HECW2: variants seen among roughly 807,000 people sequenced by gnomAD.
HECW2 encodes HECT, C2 and WW domain containing E3 ubiquitin protein ligase 2.
A neutral mutation model predicts 175.2 loss-of-function variants in HECW2; 61 were observed. The ratio of observed to expected loss-of-function variants is 0.35; its 90% CI spans 0.28 to 0.43. The LOEUF (loss-of-function observed/expected upper bound fraction) is 0.43, where lower values mean the gene tolerates loss of function less well. Among genes scored for constraint, HECW2 ranks in the 20% least tolerant of loss-of-function variants. The probability of loss-of-function intolerance (pLI) is 1.00; values close to 1 mark genes in which losing one functional copy is unlikely to be tolerated. For missense variants in HECW2, 1,524 were observed against 2,000.5 expected (o/e 0.76, Z 4.54); for synonymous variants, 671 against 731.0 (o/e 0.92, Z 1.32).
At chr2:196,231,791 C>T (rs1688067957) in intron 21 of HECW2, among the ~76,000 whole-genome samples, 1 of 151,866 alleles carries the variant, frequency 6.6e-6, no homozygotes, top group African/African-American at 2.4e-5. Flanking sequence ...CCATCGAGAC[C>T]ATCCTGGCTA....
intron 1 of HECW2, among the ~76,000 whole-genome samples, chr2:196,518,165 C>T (rs7601780): frequency 0.35 from 52,706 of 151,988 alleles, 12,541 homozygotes; most frequent in African/African-American, 0.68. Flanking sequence ...GTTTTTCAAG[C>T]TTTGTGATGA....
rs539084106 is a variant in HECW2 at position 196,488,328 on chromosome 2, C to T, written c.-35-54870G>A. ...ATTATATTTCTGACAAATATTTCCACCCACATGTAAATAGCTCTTTTAAAA... is the reference window on the plus strand; with the variant it reads ...ATTATATTTCTGACAAATATTTCCATCCACATGTAAATAGCTCTTTTAAAA... On this transcript the variant is annotated intron_variant, in intron 1 of 28. Coordinates refer to ENST00000644978, the MANE Select transcript of HECW2 (RefSeq NM_001348768.2). 9.2e-5 allele frequency among the ~76,000 whole-genome samples: 14 copies of T among 152,262 alleles called. No homozygotes were observed. In the South Asian group the frequency reaches 2.7e-3, roughly 29 times the overall value.
chr2:196,379,132 G>A (rs951524817), intron 2 of HECW2, among the ~76,000 whole-genome samples: 2 of 151,250 alleles, frequency 1.3e-5, no homozygotes, highest in Non-Finnish European at 2.9e-5. Context: ...AACAGATACA[G>A]TTGTCACTGG....
rs190663387 is a variant in HECW2, at chr2:196,197,606, A to G, written c.*3671T>C. The G allele has an allele frequency of 6.6e-6, 1 of 152,158 alleles. No individual in the cohort carries two copies. Among genetic ancestry groups the G allele is most frequent in the Non-Finnish European group, 1.5e-5 (1 of 68,014 alleles). 9.4% of individuals were successfully genotyped at this position (152,158 alleles called of 1,614,324 possible). On this transcript the variant is annotated 3_prime_UTR_variant, in exon 29 of 29. Coordinates refer to ENST00000644978, the MANE Select transcript of HECW2 (RefSeq NM_001348768.2). Reference sequence around the variant, plus strand: ...CTTTTCAGAAGGTGTCATATTTTAAATGTATCTGTTTAAGAAAGTGAGAGT... The same window carrying G: ...CTTTTCAGAAGGTGTCATATTTTAAGTGTATCTGTTTAAGAAAGTGAGAGT...
intron 1 of HECW2, among the ~76,000 whole-genome samples, chr2:196,527,445 G>A (rs1534384): frequency 0.34 from 52,182 of 152,064 alleles, 12,205 homozygotes; most frequent in African/African-American, 0.67. Flanking sequence ...CTTCTGCGTC[G>A]CTCACGCTGG....
chr2:196,270,463 C>T lies in HECW2; in HGVS notation c.3335+730G>A, dbSNP rs539865033. Among the ~76,000 whole-genome samples the T allele has an allele frequency of 5.1e-4, 77 of 152,230 alleles. 1 individual carries two copies. The highest frequency in any genetic ancestry group is 1.8e-3 in the African/African-American group (75 of 41,546). On this transcript the variant is annotated intron_variant, in intron 17 of 28. Coordinates refer to ENST00000644978, the MANE Select transcript of HECW2 (RefSeq NM_001348768.2). Reference sequence around the variant, plus strand: ...GCTCAGTTTTAGAGAATATCAGATTCCCTACTTAGGTTCTAATCTGTTTTT... The same window carrying T: ...GCTCAGTTTTAGAGAATATCAGATTTCCTACTTAGGTTCTAATCTGTTTTT...
At chr2:196,592,915 C>A (rs1691258722) in intron 1 of HECW2, 1 of 151,048 alleles carries the variant, frequency 6.6e-6, no homozygotes, top group South Asian at 2.1e-4. Context: ...CGGCCGGGGG[C>A]GCCGCCGCGC....
chr2:196,529,507 G>A (rs557804459), intron 1 of HECW2, among the ~76,000 whole-genome samples: 2 of 152,052 alleles, frequency 1.3e-5, no homozygotes, highest in Non-Finnish European at 2.9e-5. Flanking sequence ...TACCCCTCAT[G>A]CCAGGCTCAA....
At chr2:196,397,432 C>T (rs1013245904) in intron 2 of HECW2, among the ~76,000 whole-genome samples, 26 of 152,238 alleles carry the variant, frequency 1.7e-4, no homozygotes, top group African/African-American at 6.0e-4. Flanking sequence ...ACACAAACCT[C>T]TTCTGGCCAT....
chr2:196,458,447 CACACACACACACAT>C (rs1230106219), intron 1 of HECW2, among the ~76,000 whole-genome samples: 2 of 151,724 alleles, frequency 1.3e-5, no homozygotes, highest in Non-Finnish European at 2.9e-5. Flanking sequence ...CACACACACA[CACACACACACACAT>C]ACACACACCC....
chr2:196,483,039 G>T (rs531209418), intron 1 of HECW2, among the ~76,000 whole-genome samples: 1 of 141,604 alleles, frequency 7.1e-6, no homozygotes, highest in South Asian at 2.3e-4. Context: ...ATTATTTTCA[G>T]ACTAGTATTT....
intron 1 of HECW2, among the ~76,000 whole-genome samples, chr2:196,472,777 A>T (rs112918104): frequency 0.085 from 12,935 of 151,974 alleles, 696 homozygotes; most frequent in South Asian, 0.15. Context: ...ATGCATCACC[A>T]CATCCAGCTA....
chr2:196,491,219 G>A (rs1687171735), intron 1 of HECW2, among the ~76,000 whole-genome samples: 1 of 151,738 alleles, frequency 6.6e-6, no homozygotes, highest in Non-Finnish European at 1.5e-5. Context: ...TGGAATGTTG[G>A]CGGGTGCAGT....
At chr2:196,358,815 C>T (rs1424156348) in intron 2 of HECW2, among the ~76,000 whole-genome samples, 1 of 152,002 alleles carries the variant, frequency 6.6e-6, no homozygotes, top group Non-Finnish European at 1.5e-5. Flanking sequence ...TCCATAGATG[C>T]CAAAAGAACA....
chr2:196,435,899 A>C (rs1355252162), intron 1 of HECW2, among the ~76,000 whole-genome samples: 4 of 152,246 alleles, frequency 2.6e-5, no homozygotes, highest in African/African-American at 7.2e-5. Context: ...TTTAGTTATT[A>C]ATACCATTAT....
chr2:196,564,840 G>T (rs929287447), intron 1 of HECW2, among the ~76,000 whole-genome samples: 3 of 151,548 alleles, frequency 2.0e-5, no homozygotes, highest in African/African-American at 7.3e-5. Context: ...AATTTACATA[G>T]ATTATAATTT....
intron 19 of HECW2, among the ~76,000 whole-genome samples, chr2:196,249,984 C>T (rs529449356): frequency 7.9e-5 from 12 of 152,304 alleles, no homozygotes; most frequent in Admixed American, 2.0e-4. Context: ...TGTGCATTTG[C>T]GATGCTAAAT....
intron 23 of HECW2, among the ~76,000 whole-genome samples, chr2:196,223,742 G>A (rs577849639): frequency 6.6e-6 from 1 of 152,254 alleles, no homozygotes; most frequent in South Asian, 2.1e-4. Flanking sequence ...AAAATGGGGT[G>A]GGATGAGGGG....
intron 1 of HECW2, among the ~76,000 whole-genome samples, chr2:196,523,152 A>C (rs1370294494): frequency 2.6e-5 from 4 of 152,024 alleles, no homozygotes; most frequent in African/African-American, 4.8e-5. Flanking sequence ...CTTTTATTTC[A>C]TTGAGCAGTG....
Sources: allele counts gnomAD v4.1 joint callset (sites outside exome capture counted in the v4.1 genomes callset), GRCh38; gene constraint gnomAD v4.1.1; transcripts MANE v1.5; gene names NCBI Gene and HGNC (gene_info 2026-07-23, HGNC 2026-07-21).